Variants in IMPACT observed in about 807,000 individuals in gnomAD.
IMPACT encodes the protein impact RWD domain protein, also known as protein IMPACT.
A neutral mutation model predicts 47.5 loss-of-function variants in IMPACT; 35 were observed. The ratio of observed to expected loss-of-function variants is 0.74; its 90% CI spans 0.56 to 0.98. The LOEUF (loss-of-function observed/expected upper bound fraction) is 0.98, where lower values mean the gene tolerates loss of function less well. Ranked by LOEUF, IMPACT falls within the 50% of genes least tolerant of loss-of-function variation. The pLI is 0.00. For missense variants in IMPACT, 373 were observed against 394.8 expected, an observed-to-expected ratio of 0.94 and a Z score of 0.47; for synonymous variants, 118 against 125.6, an observed-to-expected ratio of 0.94 and a Z score of 0.40.
At chr18:24,436,353 C>T (rs905173336) in intron 4 of IMPACT, among the ~76,000 whole-genome samples, 1 of 150,674 alleles carries the variant, frequency 6.6e-6, no homozygotes, top group Non-Finnish European at 1.5e-5. Context: ...TCAAGTGATC[C>T]TCCCACCTCA....
chr18:24,429,888 C>T (rs1310295538), intron 3 of IMPACT, among the ~76,000 whole-genome samples: 1 of 151,932 alleles, frequency 6.6e-6, no homozygotes, highest in Non-Finnish European at 1.5e-5. Flanking sequence ...CACCATTTTC[C>T]TGCCTCAGCC....
intron 9 of IMPACT, 24 bp from the exon 10 acceptor site, chr18:24,449,795 A>G: frequency 6.3e-7 from 1 of 1,596,916 alleles, no homozygotes; most frequent in East Asian, 2.2e-5. Flanking sequence ...CTATGTATCT[A>G]ATTATGCTTC....
chr18:24,435,071 C>T (rs1908888947), intron 4 of IMPACT, among the ~76,000 whole-genome samples: 1 of 150,952 alleles, frequency 6.6e-6, no homozygotes, highest in South Asian at 2.1e-4. Context: ...CCTCCTGGGC[C>T]CAAGTGATCC....
In IMPACT at chr18:24,451,117, G is replaced by T; in HGVS notation, c.*270G>T. On this transcript the variant is annotated 3_prime_UTR_variant, in exon 11 of 11. Coordinates refer to ENST00000284202, the MANE Select transcript of IMPACT (RefSeq NM_018439.4). Reference sequence around the variant, plus strand: ...ATTTTAGCAAGGTAACAGTTGCCCAGGGCAGTACCTGAATTAACTGTCCAT... The same window carrying T: ...ATTTTAGCAAGGTAACAGTTGCCCATGGCAGTACCTGAATTAACTGTCCAT... 1 of 269,048 alleles carries T rather than the reference G, an allele frequency of 3.7e-6. No individual in the cohort carries two copies. The highest frequency in any genetic ancestry group is 7.0e-6 in the Non-Finnish European group (1 of 142,632). The allele number at this position is 269,048 out of a possible 1,614,324, so 16.7% of individuals were successfully genotyped here.
At chr18:24,450,711 G>T (rs1166313816) in intron 10 of IMPACT, 68 bp from the exon 11 acceptor site, 1 of 950,310 alleles carries the variant, frequency 1.1e-6, no homozygotes, top group Non-Finnish European at 1.7e-6. Context: ...TATATTCTAA[G>T]TGATTAGATT....
chr18:24,427,113 T>C, intron 1 of IMPACT: 1 of 317,406 alleles, frequency 3.2e-6, no homozygotes, highest in Non-Finnish European at 5.7e-6. Flanking sequence ...CGAGTCATCT[T>C]GGACAAATCA....
At chr18:24,439,958 C>A (rs1226206095) in intron 5 of IMPACT, among the ~76,000 whole-genome samples, 4 of 152,156 alleles carry the variant, frequency 2.6e-5, no homozygotes, top group African/African-American at 9.7e-5. Context: ...AAACTTTCTG[C>A]CACTAATTTT....
intron 9 of IMPACT, among the ~76,000 whole-genome samples, chr18:24,449,337 G>T (rs979303935): frequency 9.9e-5 from 15 of 152,224 alleles, no homozygotes; most frequent in African/African-American, 3.1e-4. Flanking sequence ...CTGCACTGTA[G>T]CCTGGGTGAC....
chr18:24,445,229 C>G (rs576577082), intron 7 of IMPACT, among the ~76,000 whole-genome samples, 164 bp from the exon 8 acceptor site: 1 of 152,104 alleles, frequency 6.6e-6, no homozygotes, highest in African/African-American at 2.4e-5. Flanking sequence ...CCAGTCTCTG[C>G]CCCTAAAATG....
chr18:24,428,621 G>T (rs1005495382), intron 2 of IMPACT, among the ~76,000 whole-genome samples: 5 of 152,142 alleles, frequency 3.3e-5, no homozygotes, highest in African/African-American at 9.7e-5. Flanking sequence ...TCTATTATAT[G>T]TTAGCTATTT....
intron 6 of IMPACT, among the ~76,000 whole-genome samples, chr18:24,441,180 G>C (rs1407733394): frequency 1.3e-5 from 2 of 152,106 alleles, no homozygotes; most frequent in Non-Finnish European, 2.9e-5. Flanking sequence ...TGCCCAGCTT[G>C]AGTTCAGTTT....
chr18:24,433,922 C>T (rs528971887), intron 4 of IMPACT, among the ~76,000 whole-genome samples: 5 of 151,954 alleles, frequency 3.3e-5, no homozygotes, highest in Admixed American at 6.6e-5. Flanking sequence ...CCGCCTGCCT[C>T]GGCCTCCCAA....
chr18:24,438,101 A>AT, intron 5 of IMPACT, 61 bp downstream of exon 5: 1 of 746,372 alleles, frequency 1.3e-6, no homozygotes, highest in South Asian at 1.7e-5. Flanking sequence ...TTTTATGTAG[A>AT]TACTCTAGTT....
In IMPACT at chr18:24,453,181, G is replaced by C. The variant is rs1171361745; in HGVS notation, c.*2334G>C. The stretch of plus-strand genomic sequence containing the variant: ...ATTGCAGAAGCTGCATCAAAAGTAT[G>C]CTTTGAGGTATATATAGTGAAACAG... On this transcript the variant is annotated 3_prime_UTR_variant, in exon 11 of 11. Transcript: ENST00000284202. 4.6e-5 allele frequency: 7 copies of C among 152,306 alleles called. No homozygotes were observed. The highest frequency in any genetic ancestry group is 1.3e-4 in the Admixed American group (2 of 15,298). The allele number at this position is 152,306 out of a possible 1,614,324, so 9.4% of individuals were successfully genotyped here.
chr18:24,429,059 A>G (rs1466648224), intron 3 of IMPACT, 138 bp downstream of exon 3: 1 of 537,318 alleles, frequency 1.9e-6, no homozygotes, highest in Non-Finnish European at 3.2e-6. Flanking sequence ...TGGGTTTGGT[A>G]TAGAGCATTT....
rs1475065970 is a variant in IMPACT, at chr18:24,452,002, A to G, written c.*1155A>G. 2.0e-5 allele frequency: 3 copies of G among 152,034 alleles called. No homozygotes were observed. The highest frequency in any genetic ancestry group is 4.4e-5 in the Non-Finnish European group (3 of 68,038). The allele number at this position is 152,034 out of a possible 1,614,324, so 9.4% of individuals were successfully genotyped here. A position where few individuals can be genotyped will look rare whatever the true frequency, so the allele number is the denominator to read the frequency against. ...TATAACAATAAGTGATTAACTGTTC[A>G]CTTTCAGATGTAATGGCAAACAATT... On this transcript the variant is annotated 3_prime_UTR_variant, in exon 11 of 11. Transcript: ENST00000284202.
intron 8 of IMPACT, 32 bp from the exon 9 acceptor site, chr18:24,448,061 T>G (rs765736770): frequency 7.8e-7 from 1 of 1,285,362 alleles, no homozygotes. Context: ...TATTTTAGTT[T>G]CAAAGTGTAA....
chr18:24,452,800 A>C lies in IMPACT; in HGVS notation c.*1953A>C, dbSNP rs1468933418. ...TGTGGCATATTTTGCTTTATTTAAA[A>C]ATTTTTTTTTAGAGATGAGTTCTTG... On this transcript the variant is annotated 3_prime_UTR_variant, in exon 11 of 11. Transcript: ENST00000284202. 1.3e-5 allele frequency: 2 copies of C among 152,036 alleles called. No homozygotes were observed. Among genetic ancestry groups the C allele is most frequent in the Admixed American group, 1.3e-4 (2 of 15,250 alleles). 9.4% of individuals were successfully genotyped at this position (152,036 alleles called of 1,614,324 possible). A position where few individuals can be genotyped will look rare whatever the true frequency, so the allele number is the denominator to read the frequency against.
chr18:24,437,991 G>A lies in IMPACT; in HGVS notation c.318G>A (p.Val106=), dbSNP rs1216724101. 1 of 1,582,944 alleles carries A rather than the reference G, an allele frequency of 6.3e-7. No homozygotes were observed. Among genetic ancestry groups the A allele is most frequent in the East Asian group, 2.3e-5 (1 of 44,142 alleles). The part of the protein sequence containing the change: ...NIGESILYLW[V]EKIRDVLIQK... ...GTGAAAGTATTCTTTACCTGTGGGT[G>A]GAGAAAATAAGAGATGTTCTTATAC... Residue 106 remains valine (V), a synonymous_variant, in exon 5 of 11, where the codon GTG becomes GTA. Coordinates refer to ENST00000284202, the MANE Select transcript of IMPACT (RefSeq NM_018439.4).
Sources: allele counts gnomAD v4.1 joint callset (sites outside exome capture counted in the v4.1 genomes callset), GRCh38; gene constraint gnomAD v4.1.1; transcripts MANE v1.5; gene names NCBI Gene and HGNC (gene_info 2026-07-23, HGNC 2026-07-21).